The following IPO5 variants were observed in gnomAD, a reference collection of about 807,000 sequenced individuals.
IPO5 encodes the protein importin-5.
IPO5 carries 18 observed loss-of-function variants against 143.3 expected under a neutral mutation model. That is an observed-to-expected ratio of 0.13 (90% CI 0.09 to 0.19). The LOEUF (loss-of-function observed/expected upper bound fraction) is 0.19. IPO5 is among the 10% of genes least tolerant of loss of function. The pLI is 1.00. For synonymous variants in IPO5, 477 were observed against 465.7 expected (o/e 1.02, Z -0.31); for missense variants, 1,013 against 1,336.9 (o/e 0.76, Z 3.78).
At chr13:97,970,583 T>C (rs1885737494) in intron 3 of IPO5, among the ~76,000 whole-genome samples, 1 of 152,102 alleles carries the variant, frequency 6.6e-6, no homozygotes. Context: ...ATCGTGCCAC[T>C]GCACTCCAGC....
At chr13:98,002,393 T>C (rs1408667009) in intron 13 of IPO5, 74 bp from the exon 14 acceptor site, 2 of 1,429,402 alleles carry the variant, frequency 1.4e-6, no homozygotes, top group Non-Finnish European at 1.9e-6. Context: ...TAAGAACTTT[T>C]ATACATCTCC....
intron 2 of IPO5, among the ~76,000 whole-genome samples, chr13:97,961,824 C>A (rs936100319): frequency 6.6e-6 from 1 of 151,770 alleles, no homozygotes; most frequent in African/African-American, 2.4e-5. Flanking sequence ...GGATATAAGT[C>A]CCTTATAAGA....
intron 5 of IPO5, among the ~76,000 whole-genome samples, chr13:97,984,580 T>C (rs1392519709): frequency 6.6e-6 from 1 of 152,128 alleles, no homozygotes; most frequent in Non-Finnish European, 1.5e-5. Flanking sequence ...TTTGTAAAGG[T>C]TTCTACCTAC....
chr13:98,010,719 TTAGTTCC>T (rs1889630553), intron 20 of IPO5, among the ~76,000 whole-genome samples: 1 of 151,970 alleles, frequency 6.6e-6, no homozygotes, highest in Non-Finnish European at 1.5e-5. Flanking sequence ...ATATGCATGT[TTAGTTCC>T]TAGTTTTCTT....
At chr13:98,021,446 CA>C in intron 28 of IPO5, 1 of 350,388 alleles carries the variant, frequency 2.9e-6, no homozygotes, top group Non-Finnish European at 5.0e-6. Flanking sequence ...TGTCATCTGC[CA>C]AAAAACTTTA....
At chr13:98,005,477 C>T (rs1205672721) in intron 16 of IPO5, among the ~76,000 whole-genome samples, 3 of 151,916 alleles carry the variant, frequency 2.0e-5, no homozygotes, top group East Asian at 3.9e-4. Context: ...ATCCGCCTGC[C>T]TCAGCCTCCC....
chr13:98,005,414 A>C (rs1342582799), intron 16 of IPO5, among the ~76,000 whole-genome samples: 2 of 148,144 alleles, frequency 1.4e-5, no homozygotes, highest in Non-Finnish European at 3.0e-5. Context: ...TATTTAGTAG[A>C]GACAGGGTTT....
At chr13:97,976,662 T>A in intron 3 of IPO5, 31 bp from the exon 4 acceptor site, 2 of 1,135,720 alleles carry the variant, frequency 1.8e-6, no homozygotes, top group Non-Finnish European at 2.3e-6. Context: ...ACGGCTCCTG[T>A]CTCCCCTCCC....
intron 2 of IPO5, among the ~76,000 whole-genome samples, chr13:97,964,055 G>A (rs1237071545): frequency 6.6e-6 from 1 of 151,934 alleles, no homozygotes; most frequent in African/African-American, 2.4e-5. Context: ...TTTTTTTCTT[G>A]TAAATTTGTT....
At chr13:97,997,719 C>T (rs1274457775) in intron 12 of IPO5, 101 bp downstream of exon 12, 1 of 536,392 alleles carries the variant, frequency 1.9e-6, no homozygotes, top group African/African-American at 1.9e-5. Context: ...ACTTTTAAGC[C>T]TGGAATATGG....
At chr13:97,956,939 A>G (rs573501010) in intron 2 of IPO5, among the ~76,000 whole-genome samples, 6 of 152,334 alleles carry the variant, frequency 3.9e-5, no homozygotes, top group Non-Finnish European at 7.4e-5. Context: ...TGCTTGGTCT[A>G]TGGATAGCTG....
At chr13:97,979,168 C>A (rs191539883) in intron 4 of IPO5, among the ~76,000 whole-genome samples, 1 of 152,048 alleles carries the variant, frequency 6.6e-6, no homozygotes, top group African/African-American at 2.4e-5. Context: ...TCTGATACAG[C>A]AAATATAGAA....
At chr13:97,996,036 A>G (rs948383700) in intron 11 of IPO5, among the ~76,000 whole-genome samples, 1 of 152,174 alleles carries the variant, frequency 6.6e-6, no homozygotes, top group African/African-American at 2.4e-5. Context: ...AGTGCACACA[A>G]TCAACAGTTT....
intron 28 of IPO5, 53 bp from the exon 29 acceptor site, chr13:98,021,683 T>C: frequency 9.1e-7 from 1 of 1,095,778 alleles, no homozygotes; most frequent in Non-Finnish European, 1.3e-6. Context: ...ATGATTAAAA[T>C]CCTTCCAAAT....
At chr13:97,996,922 G>T (rs1014590374) in intron 11 of IPO5, among the ~76,000 whole-genome samples, 3 of 152,054 alleles carry the variant, frequency 2.0e-5, no homozygotes, top group Admixed American at 6.6e-5. Context: ...ACTATTTGAA[G>T]ATAGTAATAA....
chr13:97,984,175 T>G (rs1198709998), intron 5 of IPO5, among the ~76,000 whole-genome samples: 1 of 151,084 alleles, frequency 6.6e-6, no homozygotes, highest in East Asian at 1.9e-4. Flanking sequence ...AGACGGGGTT[T>G]CACCGTTTTA....
intron 4 of IPO5, chr13:97,981,132 GCA>G (rs1200527614): frequency 5.5e-6 from 2 of 363,410 alleles, no homozygotes; most frequent in Non-Finnish European, 5.3e-6. Flanking sequence ...ATACTTTTTG[GCA>G]CAGTTTTCAG....
At chr13:97,970,911 G>C (rs1316723669) in intron 3 of IPO5, among the ~76,000 whole-genome samples, 1 of 152,210 alleles carries the variant, frequency 6.6e-6, no homozygotes, top group Non-Finnish European at 1.5e-5. Flanking sequence ...GTTGCAATCT[G>C]TATTAGCAAT....
rs1469411079 is a variant in IPO5, at chr13:98,005,005, C to G, written c.1498-1125C>G. On this transcript the variant is annotated intron_variant, in intron 16 of 28. Coordinates refer to ENST00000651721, the MANE Select transcript of IPO5 (RefSeq NM_002271.6). ...CCGTCTCCCGGGTTCAAGCCATTCTCCTGCCTCAGCCTGCCGAGTAGCTGG... is the reference window on the plus strand; with the variant it reads ...CCGTCTCCCGGGTTCAAGCCATTCTGCTGCCTCAGCCTGCCGAGTAGCTGG... Among the ~76,000 whole-genome samples, 6 of 152,218 alleles carry G rather than the reference C, an allele frequency of 3.9e-5. No homozygotes were observed. The East Asian group carries it at 5.8e-4, about 15-fold the overall frequency.
Sources: gnomAD v4.1 joint callset for allele counts (sites outside exome capture counted in the v4.1 genomes callset) on GRCh38, gnomAD v4.1.1 for gene constraint, MANE v1.5 for transcripts, NCBI Gene and HGNC (gene_info 2026-07-23, HGNC 2026-07-21) for gene names.